TRIM71: variants seen among roughly 807,000 people sequenced by gnomAD.
TRIM71 encodes tripartite motif containing 71.
TRIM71 carries 9 observed loss-of-function variants against 61.2 expected under a neutral mutation model. That is an observed-to-expected ratio of 0.15 (90% CI 0.09 to 0.26). TRIM71 has a LOEUF of 0.26. Among genes scored for constraint, TRIM71 ranks in the 10% least tolerant of loss-of-function variants. TRIM71 has a pLI of 1.00. For missense variants in TRIM71, 998 were observed against 1,238.7 expected (o/e 0.81, Z 2.92); for synonymous variants, 645 against 553.2 (o/e 1.17, Z -2.33).
intron 3 of TRIM71, among the ~76,000 whole-genome samples, chr3:32,889,360 C>T (rs2125693112): frequency 1.3e-5 from 2 of 152,248 alleles, no homozygotes; most frequent in East Asian, 3.9e-4. Context: ...ACACTACAGA[C>T]TCAGCCTCCT....
At chr3:32,839,093 C>T (rs930692454) in intron 1 of TRIM71, among the ~76,000 whole-genome samples, 2 of 152,078 alleles carry the variant, frequency 1.3e-5, no homozygotes, top group Non-Finnish European at 2.9e-5. Context: ...AGCCTTGAGC[C>T]TCCTTAATCA....
At chr3:32,863,492 A>G (rs969598092) in intron 1 of TRIM71, among the ~76,000 whole-genome samples, 10 of 152,174 alleles carry the variant, frequency 6.6e-5, no homozygotes, top group Non-Finnish European at 1.3e-4. Flanking sequence ...CTCTAATTCC[A>G]GAAGGATTCC....
intron 2 of TRIM71, among the ~76,000 whole-genome samples, chr3:32,882,319 G>A (rs1696918544): frequency 6.6e-6 from 1 of 152,174 alleles, no homozygotes; most frequent in South Asian, 2.1e-4. Flanking sequence ...TACAGACATA[G>A]GTTTGGTTGC....
intron 1 of TRIM71, among the ~76,000 whole-genome samples, chr3:32,821,241 CTGAA>C (rs1451005666): frequency 2.6e-5 from 4 of 152,214 alleles, no homozygotes; most frequent in Non-Finnish European, 5.9e-5. Flanking sequence ...CTGCGATACA[CTGAA>C]TGCCTAAATC....
Position 32,818,940 on chromosome 3 carries a change from C to T in TRIM71, c.852+8C>T, listed in dbSNP as rs1441377487. ...CAGCACCACGACGACGAGGTGAGTG[C>T]GTGGGGGCGTGTGTTTGTGTCCATC... On this transcript the variant is annotated splice_region_variant and intron_variant, in intron 1 of 3. Transcript: ENST00000383763. 1.2e-6 allele frequency: 2 copies of T among 1,610,094 alleles called. No homozygotes were observed. Among genetic ancestry groups the T allele is most frequent in the Non-Finnish European group, 8.5e-7 (1 of 1,179,070 alleles).
rs952892060 is a variant in TRIM71, at chr3:32,867,372, G to T, written c.853-6446G>T. Among the ~76,000 whole-genome samples the T allele has an allele frequency of 9.9e-5, 15 of 152,240 alleles. 1 individual carries two copies. Among genetic ancestry groups the T allele is most frequent in the Admixed American group, 9.8e-4 (15 of 15,290 alleles). On this transcript the variant is annotated intron_variant, in intron 1 of 3. Coordinates refer to ENST00000383763, the MANE Select transcript of TRIM71 (RefSeq NM_001039111.3). The stretch of plus-strand genomic sequence containing the variant: ...TTTACTAAATGACATAGGTAAAAAT[G>T]ATTGATCATTTTCACACCAGTTTCA...
At chr3:32,867,894 G>A (rs1290764034) in intron 1 of TRIM71, among the ~76,000 whole-genome samples, 2 of 151,924 alleles carry the variant, frequency 1.3e-5, no homozygotes, top group Non-Finnish European at 2.9e-5. Context: ...GGGCCTCAGG[G>A]TGTGTGTGTT....
intron 1 of TRIM71, among the ~76,000 whole-genome samples, chr3:32,862,801 G>A (rs1696685837): frequency 6.6e-6 from 1 of 152,238 alleles, no homozygotes; most frequent in Non-Finnish European, 1.5e-5. Context: ...TGCCGGGGCG[G>A]CAGCTGGGAC....
rs563143673 is a variant in TRIM71, at chr3:32,854,363, C to G, written c.853-19455C>G. ...GAGATAGTTGTTTCTGGAGAGACAC[C>G]TCATTCATGGACATATACATGTAAA... On this transcript the variant is annotated intron_variant, in intron 1 of 3. Coordinates refer to ENST00000383763, the MANE Select transcript of TRIM71 (RefSeq NM_001039111.3). Among the ~76,000 whole-genome samples, 5 of 152,258 alleles carry G rather than the reference C, an allele frequency of 3.3e-5. No homozygotes were observed. In the South Asian group the frequency reaches 1.0e-3, roughly 32 times the overall value.
At chr3:32,819,458 G>A (rs1367966243) in intron 1 of TRIM71, among the ~76,000 whole-genome samples, 3 of 152,196 alleles carry the variant, frequency 2.0e-5, no homozygotes, top group Non-Finnish European at 2.9e-5. Flanking sequence ...TTCCACGTGC[G>A]CACTTGTGAG....
chr3:32,823,473 G>T (rs1221915984), intron 1 of TRIM71, among the ~76,000 whole-genome samples: 2 of 152,100 alleles, frequency 1.3e-5, no homozygotes, highest in African/African-American at 4.8e-5. Context: ...AAACTATAGT[G>T]GTTTTAGTGG....
At chr3:32,888,226 G>A (rs532527542) in intron 3 of TRIM71, among the ~76,000 whole-genome samples, 4 of 152,114 alleles carry the variant, frequency 2.6e-5, no homozygotes, top group South Asian at 4.2e-4. Flanking sequence ...TGCCAAAAGC[G>A]TGCTATGTTA....
intron 1 of TRIM71, among the ~76,000 whole-genome samples, chr3:32,821,500 T>C (rs1696131218): frequency 6.6e-6 from 1 of 152,168 alleles, no homozygotes; most frequent in Non-Finnish European, 1.5e-5. Flanking sequence ...GATTGGCAAG[T>C]AAGGTGTCTC....
rs1278818148 is a variant in TRIM71 at position 32,895,306 on chromosome 3, A to G, written c.*3495A>G. ...TGGGAAACACATAACAAAGGGTACC[A>G]TAAACCGAATCCAAATTACGTGTTG... On this transcript the variant is annotated 3_prime_UTR_variant, in exon 4 of 4. Transcript: ENST00000383763. 1 of 152,222 alleles carries G rather than the reference A, an allele frequency of 6.6e-6. No individual in the cohort carries two copies. The highest frequency in any genetic ancestry group is 2.4e-5 in the African/African-American group (1 of 41,458). The allele number at this position is 152,222 out of a possible 1,614,324, so 9.4% of individuals were successfully genotyped here.
At chr3:32,861,284 C>A (rs1286599840) in intron 1 of TRIM71, among the ~76,000 whole-genome samples, 1 of 148,468 alleles carries the variant, frequency 6.7e-6, no homozygotes, top group African/African-American at 2.4e-5. Flanking sequence ...TCAAGCAATT[C>A]TCCTGCCTCA....
rs190853101 is a variant in TRIM71, at chr3:32,889,617, C to T, written c.1156-743C>T. 6.7e-5 allele frequency among the ~76,000 whole-genome samples: 10 copies of T among 148,804 alleles called. No individual in the cohort carries two copies. The East Asian group carries it at 1.8e-3, about 26-fold the overall frequency. ...TATTATTATTATTTTGAGACGGAGT[C>T]TCGCCCTGTTCCCTAGGTTGGAGTG... On this transcript the variant is annotated intron_variant, in intron 3 of 3. Coordinates refer to ENST00000383763, the MANE Select transcript of TRIM71 (RefSeq NM_001039111.3).
chr3:32,830,268 T>TAG (rs1399875953), intron 1 of TRIM71, among the ~76,000 whole-genome samples: 6 of 152,246 alleles, frequency 3.9e-5, no homozygotes, highest in Non-Finnish European at 8.8e-5. Flanking sequence ...GCTTTGACCT[T>TAG]TTCTAAGTCA....
chr3:32,839,073 C>T lies in TRIM71; in HGVS notation c.852+20141C>T, dbSNP rs145574973. ...GCCTTGGCCTCTGGGATTTCTGAGC[C>T]GCCATGCCCAGCCTTGAGCCTCCTT... On this transcript the variant is annotated intron_variant, in intron 1 of 3. Coordinates refer to ENST00000383763, the MANE Select transcript of TRIM71 (RefSeq NM_001039111.3). Among the ~76,000 whole-genome samples, 166 of 152,008 alleles carry T rather than the reference C, an allele frequency of 1.1e-3. 1 individual carries two copies. In the East Asian group the frequency reaches 0.019, roughly 17 times the overall value.
At chr3:32,866,761 T>C (rs147202526) in intron 1 of TRIM71, among the ~76,000 whole-genome samples, 6 of 152,076 alleles carry the variant, frequency 3.9e-5, no homozygotes, top group Non-Finnish European at 8.8e-5. Context: ...ACGCAGTGTT[T>C]TGGAAGTCTT....
Sources: gnomAD v4.1 joint callset for allele counts (sites outside exome capture counted in the v4.1 genomes callset) on GRCh38, gnomAD v4.1.1 for gene constraint, MANE v1.5 for transcripts, NCBI Gene and HGNC (gene_info 2026-07-23, HGNC 2026-07-21) for gene names.